Variants in SLCO5A1 observed in about 807,000 individuals in gnomAD.
The protein encoded by SLCO5A1 is organic anion transporter polypeptide-related protein 4.
In SLCO5A1, 39 loss-of-function variants were observed where a neutral mutation model predicts 65.1. The ratio of observed to expected loss-of-function variants is 0.60; its 90% CI spans 0.46 to 0.78. SLCO5A1 has a LOEUF of 0.78. Ranked by LOEUF, SLCO5A1 falls within the 30% of genes least tolerant of loss-of-function variation. The probability of loss-of-function intolerance (pLI) is 0.00; values close to 1 mark genes in which losing one functional copy is unlikely to be tolerated. For missense variants in SLCO5A1, 1,029 were observed against 1,069.4 expected, an observed-to-expected ratio of 0.96 and a Z score of 0.53; for synonymous variants, 438 against 415.7, an observed-to-expected ratio of 1.05 and a Z score of -0.65.
chr8:69,810,498 C>A (rs1289499816), intron 2 of SLCO5A1, among the ~76,000 whole-genome samples: 1 of 152,208 alleles, frequency 6.6e-6, no homozygotes, highest in African/African-American at 2.4e-5. Flanking sequence ...AAACACTGAC[C>A]ACTCAGCAAG....
intron 6 of SLCO5A1, among the ~76,000 whole-genome samples, chr8:69,701,071 G>A (rs1271402803): frequency 6.6e-6 from 1 of 152,140 alleles, no homozygotes; most frequent in African/African-American, 2.4e-5. Flanking sequence ...TAGGGGGACT[G>A]TGGGCCCTGC....
chr8:69,809,189 T>C (rs1820126023), intron 2 of SLCO5A1, among the ~76,000 whole-genome samples: 1 of 152,216 alleles, frequency 6.6e-6, no homozygotes, highest in South Asian at 2.1e-4. Context: ...CCCAAAAAAG[T>C]ATGTATTTTA....
intron 6 of SLCO5A1, chr8:69,700,448 A>G (rs546266776): frequency 6.6e-6 from 1 of 152,318 alleles, no homozygotes; most frequent in South Asian, 2.1e-4. Context: ...CCAAACAAGA[A>G]CAAGAAAAGG....
At chr8:69,814,814 A>C (rs1164048532) in intron 2 of SLCO5A1, among the ~76,000 whole-genome samples, 2 of 151,172 alleles carry the variant, frequency 1.3e-5, no homozygotes, top group Non-Finnish European at 2.9e-5. Flanking sequence ...AAACTATTCC[A>C]CCTTAAAAAA....
At chr8:69,692,523 A>G (rs1814312617) in intron 6 of SLCO5A1, among the ~76,000 whole-genome samples, 1 of 152,238 alleles carries the variant, frequency 6.6e-6, no homozygotes, top group Non-Finnish European at 1.5e-5. Flanking sequence ...ACACTTTGTA[A>G]TTATTTTTTA....
chr8:69,791,871 T>C (rs1382941219), intron 2 of SLCO5A1, among the ~76,000 whole-genome samples: 1 of 152,186 alleles, frequency 6.6e-6, no homozygotes, highest in Non-Finnish European at 1.5e-5. Context: ...GATCTAACCA[T>C]TAAAAGAAGC....
chr8:69,811,781 GT>G, intron 2 of SLCO5A1, among the ~76,000 whole-genome samples: 1 of 152,210 alleles, frequency 6.6e-6, no homozygotes, highest in Middle Eastern at 3.2e-3. Flanking sequence ...GCCAGGCTGT[GT>G]TTTAAGTGCA....
intron 2 of SLCO5A1, among the ~76,000 whole-genome samples, chr8:69,784,946 G>C (rs1233297039): frequency 8.2e-6 from 1 of 122,556 alleles, no homozygotes; most frequent in Admixed American, 8.6e-5. Flanking sequence ...AAGAAAGAAA[G>C]AAAGAAGAAA....
chr8:69,702,776 G>C (rs555335979), intron 6 of SLCO5A1, among the ~76,000 whole-genome samples: 39 of 152,288 alleles, frequency 2.6e-4, no homozygotes, highest in African/African-American at 8.9e-4. Flanking sequence ...ATGAAGCTCT[G>C]TTAAATGAGC....
chr8:69,704,906 C>T, intron 6 of SLCO5A1, 125 bp downstream of exon 6: 1 of 875,760 alleles, frequency 1.1e-6, no homozygotes, highest in Non-Finnish European at 1.8e-6. Context: ...AGGCAGAGCA[C>T]ACAGAGCACA....
rs186417321 is a variant in SLCO5A1 at position 69,787,490 on chromosome 8, G to A, written c.908-25615C>T. Among the ~76,000 whole-genome samples the A allele has an allele frequency of 1.3e-3, 191 of 152,306 alleles. 1 individual carries two copies. Among genetic ancestry groups the A allele is most frequent in the Middle Eastern group, 6.8e-3 (2 of 294 alleles). On this transcript the variant is annotated intron_variant, in intron 2 of 9. Coordinates refer to ENST00000260126, the MANE Select transcript of SLCO5A1 (RefSeq NM_030958.3). ...CAATCCCTCAGCCTAAACCCTTAAA[G>A]CTGGATGTGTCTTGGAATTAAGAAT...
intron 9 of SLCO5A1, among the ~76,000 whole-genome samples, chr8:69,675,636 C>T (rs1456494180): frequency 1.3e-5 from 2 of 152,148 alleles, no homozygotes; most frequent in Non-Finnish European, 2.9e-5. Context: ...ATTGAAAATG[C>T]TCATTCTTGG....
chr8:69,751,654 C>T (rs1477309711), intron 4 of SLCO5A1, among the ~76,000 whole-genome samples: 1 of 151,904 alleles, frequency 6.6e-6, no homozygotes, highest in East Asian at 1.9e-4. Flanking sequence ...TCAAGCGATT[C>T]TCCTGTCTCA....
chr8:69,738,348 G>A (rs1355549535), intron 4 of SLCO5A1, 144 bp from the exon 5 acceptor site: 19 of 691,100 alleles, frequency 2.7e-5, no homozygotes, highest in East Asian at 6.3e-5. Flanking sequence ...ATCTGATGAC[G>A]ATTAGAAACC....
chr8:69,692,976 T>C (rs1268597642), intron 6 of SLCO5A1, among the ~76,000 whole-genome samples: 1 of 152,210 alleles, frequency 6.6e-6, no homozygotes, highest in Non-Finnish European at 1.5e-5. Context: ...TCTACACAAC[T>C]ACATGTGCTG....
At chr8:69,796,443 G>T (rs975440805) in intron 2 of SLCO5A1, among the ~76,000 whole-genome samples, 2 of 151,852 alleles carry the variant, frequency 1.3e-5, no homozygotes, top group Non-Finnish European at 2.9e-5. Context: ...GCAAGACCCT[G>T]CCTCTACTAA....
chr8:69,673,273 G>T lies in SLCO5A1; in HGVS notation c.2143C>A (p.Leu715Ile), dbSNP rs778436470. The change falls in exon 10 of 10, where the codon CTC becomes ATC. Residue 715 changes from leucine (L) to isoleucine (I), a missense_variant. Physicochemically the swap from Leu to Ile is conservative, Grantham distance 5 (BLOSUM62 2). Coordinates refer to ENST00000260126, the MANE Select transcript of SLCO5A1 (RefSeq NM_030958.3). ...FGAVIDTTCM[L>I]WQQECGVQGS... ...TGCACACCACATTCCTGTTGCCAGA[G>T]CATGCAGGTGGTGTCAATGACTGCT... is the stretch of plus-strand genomic sequence containing the variant. 1 of 1,614,238 alleles carries T rather than the reference G, an allele frequency of 6.2e-7. No individual in the cohort carries two copies. The highest frequency in any genetic ancestry group is 8.5e-7 in the Non-Finnish European group (1 of 1,180,044).
chr8:69,737,913 G>T (rs773551481), intron 5 of SLCO5A1, 127 bp downstream of exon 5: 540 of 936,592 alleles, frequency 5.8e-4, no homozygotes, highest in South Asian at 9.1e-4. Flanking sequence ...CCTAAAATCT[G>T]GGGGGAAAGG....
At chr8:69,743,108 A>T (rs1816868955) in intron 4 of SLCO5A1, among the ~76,000 whole-genome samples, 1 of 152,116 alleles carries the variant, frequency 6.6e-6, no homozygotes, top group Non-Finnish European at 1.5e-5. Context: ...CTGTGACCAG[A>T]TTCTTATGGA....
Sources: allele counts gnomAD v4.1 joint callset (sites outside exome capture counted in the v4.1 genomes callset), GRCh38; gene constraint gnomAD v4.1.1; transcripts MANE v1.5; gene names NCBI Gene and HGNC (gene_info 2026-07-23, HGNC 2026-07-21).